The following KDM1A variants were observed in gnomAD, a reference collection of about 807,000 sequenced individuals.
KDM1A encodes lysine-specific histone demethylase 1A.
A neutral mutation model predicts 109.4 loss-of-function variants in KDM1A; 49 were observed. The observed-to-expected ratio is 0.45, with a 90% CI of 0.36 to 0.57. The LOEUF (loss-of-function observed/expected upper bound fraction) is 0.57. Ranked by LOEUF, KDM1A falls within the 20% of genes least tolerant of loss-of-function variation. KDM1A has a pLI of 0.00. For synonymous variants in KDM1A, 380 were observed against 415.4 expected (o/e 0.91, Z 1.04); for missense variants, 668 against 1,116.6 (o/e 0.60, Z 5.73).
At chr1:23,024,457 T>C (rs1312332073) in intron 1 of KDM1A, among the ~76,000 whole-genome samples, 1 of 152,226 alleles carries the variant, frequency 6.6e-6, no homozygotes, top group Non-Finnish European at 1.5e-5. Context: ...ACTTGGGAGC[T>C]TATCCAGTTT....
chr1:23,041,435 C>CTTTTTTTTTTTTTTTTTTT (rs66720696), intron 2 of KDM1A, among the ~76,000 whole-genome samples: 2 of 53,006 alleles, frequency 3.8e-5, no homozygotes, highest in Admixed American at 3.4e-4. Flanking sequence ...TCTTTTCTTG[C>CTTTTTTTTTTTTTTTTTTT]TTTTTTTTTT....
At position 23,036,453 on chromosome 1, in the gene KDM1A, C is replaced by T. The variant is rs547903443; in HGVS notation, c.517+5819C>T. The stretch of plus-strand genomic sequence containing the variant: ...TTAGTTTTCTTGCCACGCCCCCCCC[C>T]TCCCCCGCCCCCTCACCACTCCAGC... On this transcript the variant is annotated intron_variant, in intron 2 of 20. Coordinates refer to ENST00000400181, the MANE Select transcript of KDM1A (RefSeq NM_001009999.3). Among the ~76,000 whole-genome samples the T allele has an allele frequency of 3.2e-5, 3 of 93,398 alleles. No individual in the cohort carries two copies. The East Asian group carries it at 9.3e-4, about 29-fold the overall frequency. The allele number at this position is 93,398 out of a possible 152,430, so 61.3% of individuals were successfully genotyped here. A position where few individuals can be genotyped will look rare whatever the true frequency, so the allele number is the denominator to read the frequency against.
At chr1:23,029,899 C>T (rs1010137866) in intron 1 of KDM1A, among the ~76,000 whole-genome samples, 2 of 152,248 alleles carry the variant, frequency 1.3e-5, no homozygotes, top group African/African-American at 4.8e-5. Context: ...CTCAGCCCCC[C>T]AGAGTGCTGG....
At position 23,083,310 on chromosome 1, in the gene KDM1A, G is replaced by A. The variant is rs150794224; in HGVS notation, c.2577G>A (p.Thr859=). Residue 859 remains threonine (T), a synonymous_variant, in exon 21 of 21, where the codon ACG becomes ACA. Transcript: ENST00000400181. ...ACCAGTTTTTGGGGGCCATGTATACGCTGCCTCGCCAGGCCACACCAGGTG... is the reference window on the plus strand; with the variant it reads ...ACCAGTTTTTGGGGGCCATGTATACACTGCCTCGCCAGGCCACACCAGGTG... ...IADQFLGAMY[T]LPRQATPGVP... is the part of the protein sequence containing the mutation. The A allele has an allele frequency of 5.2e-4, 836 of 1,613,826 alleles. 6 individuals are homozygous for A. In the African/African-American group the frequency reaches 9.3e-3, roughly 18 times the overall value.
intron 14 of KDM1A, among the ~76,000 whole-genome samples, chr1:23,072,811 A>G (rs1643357897): frequency 6.6e-6 from 1 of 151,932 alleles, no homozygotes; most frequent in South Asian, 2.1e-4. Flanking sequence ...ATGCCCAGCT[A>G]ATTTTTGTAT....
intron 4 of KDM1A, among the ~76,000 whole-genome samples, chr1:23,052,705 C>T (rs1642707834): frequency 6.6e-6 from 1 of 152,122 alleles, no homozygotes; most frequent in Admixed American, 6.5e-5. Flanking sequence ...TCTTCTGAAA[C>T]ACAGTACTTC....
At chr1:23,051,284 G>T (rs772750890) in intron 4 of KDM1A, among the ~76,000 whole-genome samples, 1 of 152,068 alleles carries the variant, frequency 6.6e-6, no homozygotes, top group Non-Finnish European at 1.5e-5. Context: ...ATTTGTTGCC[G>T]ATTTTGCTTT....
At chr1:23,041,585 G>A (rs1385189066) in intron 2 of KDM1A, among the ~76,000 whole-genome samples, 1 of 151,290 alleles carries the variant, frequency 6.6e-6, no homozygotes, top group African/African-American at 2.4e-5. Flanking sequence ...TGGGATTACA[G>A]GTGCATACCA....
In KDM1A at chr1:23,050,485, A is replaced by C; in HGVS notation, c.676A>C (p.Thr226Pro). Reference sequence around the variant, plus strand: ...AGATATTATCAGTGGACCACAACAGACCCAGAAGGTTTTTCTTTTCATTAG... The same window carrying C: ...AGATATTATCAGTGGACCACAACAGCCCCAGAAGGTTTTTCTTTTCATTAG... ...FPDIISGPQQ[T>P]QKVFLFIRNR... The change falls in exon 4 of 21, where the codon ACC becomes CCC. Residue 226 changes from threonine (T) to proline (P), a missense_variant. Around this residue, in one of 8 missense-constraint regions of KDM1A, gnomAD observed 149 missense variants for 189.7 expected, o/e 0.79. Coordinates refer to ENST00000400181, the MANE Select transcript of KDM1A (RefSeq NM_001009999.3). 1 of 1,610,820 alleles carries C rather than the reference A, an allele frequency of 6.2e-7. No homozygotes were observed. Among genetic ancestry groups the C allele is most frequent in the Non-Finnish European group, 8.5e-7 (1 of 1,178,576 alleles).
rs770316138 is a variant in KDM1A, at chr1:23,023,550, T to C, written c.351+3603T>C. On this transcript the variant is annotated intron_variant, in intron 1 of 20. Transcript: ENST00000400181. ...CTCTCAACTCTATTCCATTGATCTA[T>C]TATATATTTCCGTCCATTCCAGTAC... Among the ~76,000 whole-genome samples, 6 of 152,190 alleles carry C rather than the reference T, an allele frequency of 3.9e-5. No individual in the cohort carries two copies. The South Asian group carries it at 6.2e-4, about 16-fold the overall frequency.
At chr1:23,050,913 T>A (rs1360404575) in intron 4 of KDM1A, among the ~76,000 whole-genome samples, 2 of 151,996 alleles carry the variant, frequency 1.3e-5, no homozygotes, top group Non-Finnish European at 2.9e-5. Context: ...GGCAAAACCC[T>A]TTCTCTACTA....
intron 18 of KDM1A, among the ~76,000 whole-genome samples, chr1:23,080,101 A>G (rs990611874): frequency 6.6e-6 from 1 of 152,182 alleles, no homozygotes; most frequent in African/African-American, 2.4e-5. Context: ...ACTTAACTGT[A>G]TGTAGACTTG....
chr1:23,029,908 G>A (rs1044018174), intron 1 of KDM1A, among the ~76,000 whole-genome samples: 11 of 152,254 alleles, frequency 7.2e-5, no homozygotes, highest in Admixed American at 6.5e-4. Context: ...CCAGAGTGCT[G>A]GGATTATAGG....
chr1:23,031,858 T>C (rs764458121), intron 2 of KDM1A, among the ~76,000 whole-genome samples: 5 of 152,376 alleles, frequency 3.3e-5, no homozygotes, highest in Non-Finnish European at 7.3e-5. Context: ...TTTCTTAAAA[T>C]GATTTCTTGG....
intron 3 of KDM1A, 90 bp downstream of exon 3, chr1:23,044,576 C>T: frequency 6.3e-6 from 7 of 1,106,818 alleles, no homozygotes; most frequent in Non-Finnish European, 9.0e-6. Flanking sequence ...GTGGTATCCA[C>T]ATTTTAGCCA....
At chr1:23,073,463 ATAGT>A (rs1643376130) in intron 15 of KDM1A, 60 bp downstream of exon 15, 3 of 925,546 alleles carry the variant, frequency 3.2e-6, no homozygotes, top group Non-Finnish European at 5.3e-6. Context: ...TGTAAGAGAA[ATAGT>A]TAATTTTGTA....
intron 14 of KDM1A, among the ~76,000 whole-genome samples, chr1:23,072,443 T>C (rs914091978): frequency 6.6e-6 from 1 of 152,212 alleles, no homozygotes; most frequent in South Asian, 2.1e-4. Flanking sequence ...AGATCTGATA[T>C]TTGGATAAAG....
Position 23,077,301 on chromosome 1 carries a change from C to A in KDM1A, c.1808C>A (p.Ala603Glu). The change falls in exon 16 of 21, where the codon GCA (alanine) becomes GAA (glutamate). Residue 603 changes from alanine (A) to glutamate (E), a missense_variant. Physicochemically the swap from Ala to Glu is moderately radical, Grantham distance 107 (BLOSUM62 -1). Transcript: ENST00000400181. ...TACTCGTGTGTGCCTGTGGCTTTAG[C>A]AGAAGGCCTAGACATTAAACTGAAT... ...NGYSCVPVAL[A>E]EGLDIKLNTA... The A allele has an allele frequency of 6.2e-7, 1 of 1,614,160 alleles. No homozygotes were observed. The highest frequency in any genetic ancestry group is 8.5e-7 in the Non-Finnish European group (1 of 1,179,992).
intron 5 of KDM1A, 139 bp from the exon 6 acceptor site, chr1:23,054,930 G>A: frequency 1.7e-6 from 1 of 592,312 alleles, no homozygotes; most frequent in South Asian, 2.4e-5. Context: ...CCCAGCCTTA[G>A]AATTACTTTT....
Sources: allele counts gnomAD v4.1 joint callset (sites outside exome capture counted in the v4.1 genomes callset), GRCh38; gene constraint gnomAD v4.1.1; regional missense constraint gnomAD v4.1.1; transcripts MANE v1.5; gene names NCBI Gene and HGNC (gene_info 2026-07-23, HGNC 2026-07-21).